Variants in XCR1 observed in about 807,000 individuals in gnomAD.
XCR1 encodes chemokine XC receptor 1.
For synonymous variants in XCR1, 187 were observed against 188.5 expected (o/e 0.99, Z 0.06); for missense variants, 356 against 424.2 (o/e 0.84, Z 1.41).
At chr3:46,047,461 G>T (rs900980749) in intron 5 of XCR1, among the ~76,000 whole-genome samples, 1 of 152,186 alleles carries the variant, frequency 6.6e-6, no homozygotes, top group Non-Finnish European at 1.5e-5. Context: ...TTTACCTGGA[G>T]CTGGTCCTTC....
intron 5 of XCR1, among the ~76,000 whole-genome samples, chr3:46,035,496 T>A (rs191742338): frequency 6.6e-6 from 1 of 152,320 alleles, no homozygotes; most frequent in African/African-American, 2.4e-5. Context: ...ACCAGCAACG[T>A]GTTGCCACAG....
intron 5 of XCR1, among the ~76,000 whole-genome samples, chr3:46,049,475 G>A (rs1279629217): frequency 6.6e-6 from 1 of 152,124 alleles, no homozygotes; most frequent in Admixed American, 6.6e-5. Flanking sequence ...CTGCATGAGA[G>A]CGAATAACTT....
At chr3:46,045,733 T>C (rs1697613178) in intron 5 of XCR1, among the ~76,000 whole-genome samples, 1 of 152,178 alleles carries the variant, frequency 6.6e-6, no homozygotes, top group Admixed American at 6.5e-5. Context: ...TTGGTGAGGA[T>C]GTGGAGAAAA....
At chr3:46,067,139 GA>G (rs1437736953) in intron 3 of XCR1, among the ~76,000 whole-genome samples, 3 of 152,212 alleles carry the variant, frequency 2.0e-5, no homozygotes, top group Non-Finnish European at 4.4e-5. Context: ...GAATACCTGT[GA>G]AGATACTTGT....
intron 5 of XCR1, among the ~76,000 whole-genome samples, chr3:46,043,164 G>A (rs555774462): frequency 2.6e-4 from 39 of 152,324 alleles, no homozygotes; most frequent in African/African-American, 9.4e-4. Context: ...ACCAGGGCCA[G>A]GTGTGGTGGC....
chr3:46,077,754 C>T (rs1057087445), intron 1 of XCR1, among the ~76,000 whole-genome samples: 1 of 152,202 alleles, frequency 6.6e-6, no homozygotes, highest in South Asian at 2.1e-4. Context: ...ACTCCTTGCT[C>T]ACTTTTTGTC....
intron 5 of XCR1, among the ~76,000 whole-genome samples, chr3:46,034,169 A>G (rs1697373282): frequency 6.6e-6 from 1 of 151,978 alleles, no homozygotes; most frequent in Non-Finnish European, 1.5e-5. Flanking sequence ...ACGGGGTTTC[A>G]CCACGTTGGT....
chr3:46,052,627 T>G (rs1697770618), intron 5 of XCR1, among the ~76,000 whole-genome samples: 1 of 152,234 alleles, frequency 6.6e-6, no homozygotes, highest in Non-Finnish European at 1.5e-5. Context: ...AATTAGCTAT[T>G]ACTTCAGCTA....
chr3:46,047,926 A>G (rs1204876558), intron 5 of XCR1, among the ~76,000 whole-genome samples: 1 of 152,230 alleles, frequency 6.6e-6, no homozygotes, highest in Admixed American at 6.5e-5. Context: ...GGTAGGAACT[A>G]TTGAAGGGAA....
chr3:46,049,756 G>A (rs1456552566), intron 5 of XCR1, among the ~76,000 whole-genome samples: 1 of 152,204 alleles, frequency 6.6e-6, no homozygotes, highest in Non-Finnish European at 1.5e-5. Flanking sequence ...TCCACCTGGA[G>A]TAGGCTTGTG....
intron 5 of XCR1, among the ~76,000 whole-genome samples, chr3:46,052,709 C>T (rs1180332536): frequency 6.6e-6 from 1 of 152,198 alleles, no homozygotes; most frequent in Non-Finnish European, 1.5e-5. Flanking sequence ...GTTCTTTGTA[C>T]ACCTCACCGG....
At chr3:46,060,517 G>A (rs1166023141) in intron 4 of XCR1, among the ~76,000 whole-genome samples, 1 of 152,202 alleles carries the variant, frequency 6.6e-6, no homozygotes, top group Non-Finnish European at 1.5e-5. Flanking sequence ...TCATAGGTAA[G>A]AGGAGCCCAA....
intron 5 of XCR1, among the ~76,000 whole-genome samples, chr3:46,033,193 T>G (rs1031907620): frequency 5.9e-5 from 9 of 152,100 alleles, no homozygotes; most frequent in Admixed American, 2.0e-4. Context: ...CAGTTTGGGG[T>G]CCTACCTAGG....
At chr3:46,047,556 T>C (rs1023714863) in intron 5 of XCR1, among the ~76,000 whole-genome samples, 1 of 152,246 alleles carries the variant, frequency 6.6e-6, no homozygotes. Context: ...ATTAAGACTG[T>C]GTGGCTTACT....
chr3:46,077,304 A>G (rs1698278724), intron 1 of XCR1, among the ~76,000 whole-genome samples: 3 of 152,086 alleles, frequency 2.0e-5, no homozygotes, highest in Admixed American at 1.3e-4. Context: ...CAGCAGCAGT[A>G]TTAGATTCTC....
intron 2 of XCR1, among the ~76,000 whole-genome samples, chr3:46,075,025 C>T (rs1345814123): frequency 6.6e-6 from 1 of 151,984 alleles, no homozygotes; most frequent in Non-Finnish European, 1.5e-5. Context: ...GAGAGTTTAA[C>T]TGGAAACTAT....
chr3:46,037,766 C>T (rs1330614088), intron 5 of XCR1, among the ~76,000 whole-genome samples: 1 of 152,102 alleles, frequency 6.6e-6, no homozygotes, highest in Non-Finnish European at 1.5e-5. Context: ...AAGAAATATA[C>T]TGTCAGTTTG....
intron 5 of XCR1, among the ~76,000 whole-genome samples, chr3:46,052,786 A>C (rs944038641): frequency 6.6e-6 from 1 of 152,260 alleles, no homozygotes; most frequent in Admixed American, 6.5e-5. Context: ...GCATTTCTGC[A>C]GCCAAGGTAT....
intron 3 of XCR1, among the ~76,000 whole-genome samples, chr3:46,073,584 TAAACAAA>T (rs1047775701): frequency 2.0e-5 from 3 of 151,908 alleles, no homozygotes; most frequent in African/African-American, 7.3e-5. Flanking sequence ...GTGAGATTCT[TAAACAAA>T]AAACAAAAAA....
Sources: gnomAD v4.1 joint callset for allele counts (sites outside exome capture counted in the v4.1 genomes callset) on GRCh38, gnomAD v4.1.1 for gene constraint, MANE v1.5 for transcripts, NCBI Gene and HGNC (gene_info 2026-07-23, HGNC 2026-07-21) for gene names.